Variants in GRIN2A observed in about 807,000 individuals in gnomAD.
The protein encoded by GRIN2A is glutamate ionotropic receptor NMDA type subunit 2A, also known as glutamate receptor ionotropic, NMDA 2A.
GRIN2A carries 22 observed loss-of-function variants against 113.4 expected under a neutral mutation model. That is an observed-to-expected ratio of 0.19 (90% CI 0.14 to 0.28). The LOEUF (loss-of-function observed/expected upper bound fraction) is 0.28, where lower values mean the gene tolerates loss of function less well. Among genes scored for constraint, GRIN2A ranks in the 10% least tolerant of loss-of-function variants. The pLI, the probability that GRIN2A is intolerant of heterozygous loss-of-function variation, is 1.00. For missense variants in GRIN2A, 1,502 were observed against 1,887.0 expected, an observed-to-expected ratio of 0.80 and a Z score of 3.78; for synonymous variants, 827 against 738.4, an observed-to-expected ratio of 1.12 and a Z score of -1.94.
At chr16:9,842,967 GAGAGGA>G (rs1412011531) in intron 5 of GRIN2A, among the ~76,000 whole-genome samples, 1 of 150,094 alleles carries the variant, frequency 6.7e-6, no homozygotes, top group Non-Finnish European at 1.5e-5. Context: ...GAGAGAGAGA[GAGAGGA>G]AGAAAGAAAG....
chr16:9,924,831 G>T (rs1168170418), intron 3 of GRIN2A, among the ~76,000 whole-genome samples: 1 of 152,004 alleles, frequency 6.6e-6, no homozygotes, highest in Non-Finnish European at 1.5e-5. Flanking sequence ...TTTATCTCAT[G>T]CATTGTAGAT....
intron 3 of GRIN2A, among the ~76,000 whole-genome samples, chr16:9,911,113 C>T (rs112613294): frequency 6.6e-4 from 101 of 152,208 alleles, no homozygotes; most frequent in African/African-American, 2.0e-3. Flanking sequence ...GCCTGGCTAA[C>T]AGCACAGGAG....
intron 3 of GRIN2A, among the ~76,000 whole-genome samples, chr16:9,926,094 A>G (rs1439008292): frequency 6.6e-6 from 1 of 152,198 alleles, no homozygotes; most frequent in Non-Finnish European, 1.5e-5. Context: ...TTAAAATAAC[A>G]TCTACAAATT....
chr16:10,007,917 A>G (rs2046433484), intron 2 of GRIN2A, among the ~76,000 whole-genome samples: 1 of 152,206 alleles, frequency 6.6e-6, no homozygotes, highest in Admixed American at 6.5e-5. Context: ...TTGTATCTTT[A>G]AAAAAGCTTA....
At chr16:9,792,224 A>T (rs973067796) in intron 11 of GRIN2A, among the ~76,000 whole-genome samples, 1 of 151,964 alleles carries the variant, frequency 6.6e-6, no homozygotes, top group Admixed American at 6.6e-5. Flanking sequence ...TCACTCTATT[A>T]ATGTAATTAT....
At chr16:9,885,177 C>T (rs995070201) in intron 4 of GRIN2A, among the ~76,000 whole-genome samples, 2 of 152,076 alleles carry the variant, frequency 1.3e-5, no homozygotes, top group African/African-American at 4.8e-5. Context: ...TTGTAGCATC[C>T]CTGGTACCTA....
At chr16:9,962,359 C>G (rs962147459) in intron 2 of GRIN2A, among the ~76,000 whole-genome samples, 3 of 152,076 alleles carry the variant, frequency 2.0e-5, no homozygotes, top group Non-Finnish European at 2.9e-5. Flanking sequence ...TCGCAACCTA[C>G]TCATCTGACA....
At chr16:9,799,081 C>T (rs1007436153) in intron 10 of GRIN2A, among the ~76,000 whole-genome samples, 3 of 152,146 alleles carry the variant, frequency 2.0e-5, no homozygotes, top group African/African-American at 7.2e-5. Context: ...TGCACAAACA[C>T]GCATACACAG....
intron 4 of GRIN2A, among the ~76,000 whole-genome samples, chr16:9,871,431 G>GAA (rs759065813): frequency 0.029 from 2,822 of 98,540 alleles, 91 homozygotes; most frequent in African/African-American, 0.097. Context: ...CACTGAAAAT[G>GAA]AAAAAAAAAA....
At chr16:9,871,081 C>T (rs1370921819) in intron 4 of GRIN2A, among the ~76,000 whole-genome samples, 1 of 152,082 alleles carries the variant, frequency 6.6e-6, no homozygotes, top group African/African-American at 2.4e-5. Context: ...GCCCAGATCT[C>T]TTTATCACAG....
At chr16:9,911,694 G>A (rs2044140965) in intron 3 of GRIN2A, among the ~76,000 whole-genome samples, 1 of 152,300 alleles carries the variant, frequency 6.6e-6, no homozygotes, top group East Asian at 1.9e-4. Flanking sequence ...ACAAAGGTCT[G>A]TCTCCTAACC....
In GRIN2A at chr16:10,045,043, C is replaced by A. The variant is rs570909817; in HGVS notation, c.415-106492G>T. 4.6e-5 allele frequency among the ~76,000 whole-genome samples: 7 copies of A among 152,236 alleles called. No individual in the cohort carries two copies. The East Asian group carries it at 1.4e-3, about 29-fold the overall frequency. On this transcript the variant is annotated intron_variant, in intron 2 of 12. Transcript: ENST00000330684. The stretch of plus-strand genomic sequence containing the variant: ...ATTATCACCTGGCAAAGAAAAAAAA[C>A]CTGTGCCTGTTCAAAATATTCTTTT...
intron 2 of GRIN2A, chr16:10,121,343 CT>C (rs2048828829): frequency 6.6e-6 from 1 of 152,264 alleles, no homozygotes; most frequent in Non-Finnish European, 1.5e-5. Flanking sequence ...TTGGGGACAC[CT>C]TTTTAGAGGA....
At chr16:9,922,222 G>A (rs1420958370) in intron 3 of GRIN2A, among the ~76,000 whole-genome samples, 2 of 151,834 alleles carry the variant, frequency 1.3e-5, no homozygotes, top group Non-Finnish European at 2.9e-5. Flanking sequence ...ACAAGTTAAT[G>A]GCCTAAGTGA....
rs1257602954 is a variant in GRIN2A at position 9,753,613 on chromosome 16, C to T, written c.*9536G>A. On this transcript the variant is annotated 3_prime_UTR_variant, in exon 13 of 13. Transcript: ENST00000330684. ...AAAAGACATACTACAAGAAGACAAC[C>T]ATAGTATATACTTCCTCTATCATAG... 1.0e-5 allele frequency: 2 copies of T among 195,848 alleles called. No individual in the cohort carries two copies. Among genetic ancestry groups the T allele is most frequent in the Non-Finnish European group, 2.1e-5 (2 of 94,328 alleles). The allele number at this position is 195,848 out of a possible 1,614,324, so 12.1% of individuals were successfully genotyped here. A position where few individuals can be genotyped will look rare whatever the true frequency, so the allele number is the denominator to read the frequency against.
At chr16:10,128,734 G>A (rs563977984) in intron 2 of GRIN2A, among the ~76,000 whole-genome samples, 1 of 152,294 alleles carries the variant, frequency 6.6e-6, no homozygotes, top group South Asian at 2.1e-4. Context: ...CATGCGCCAA[G>A]CTAGGCTGCT....
intron 2 of GRIN2A, among the ~76,000 whole-genome samples, chr16:10,042,985 G>T (rs11074546): frequency 0.32 from 49,000 of 152,024 alleles, 8,374 homozygotes; most frequent in East Asian, 0.53. Flanking sequence ...TTTGATCTAC[G>T]TCAGAGTTTC....
At chr16:10,013,284 T>C (rs906884229) in intron 2 of GRIN2A, among the ~76,000 whole-genome samples, 1 of 152,188 alleles carries the variant, frequency 6.6e-6, no homozygotes, top group African/African-American at 2.4e-5. Flanking sequence ...GCTGCCCTTT[T>C]TCCTCTGTTC....
intron 2 of GRIN2A, among the ~76,000 whole-genome samples, chr16:9,991,847 C>T (rs2046120551): frequency 6.6e-6 from 1 of 152,068 alleles, no homozygotes; most frequent in Non-Finnish European, 1.5e-5. Context: ...GGGAGTTGAA[C>T]AATGAGAATA....
Sources: gnomAD v4.1 joint callset for allele counts (sites outside exome capture counted in the v4.1 genomes callset) on GRCh38, gnomAD v4.1.1 for gene constraint, MANE v1.5 for transcripts, NCBI Gene and HGNC (gene_info 2026-07-23, HGNC 2026-07-21) for gene names.